Variants in CLIC5 observed in about 807,000 individuals in gnomAD.
CLIC5 encodes chloride intracellular channel protein 5.
CLIC5 carries 20 observed loss-of-function variants against 24.7 expected under a neutral mutation model. The ratio of observed to expected loss-of-function variants is 0.81; its 90% confidence interval spans 0.57 to 1.18. CLIC5 has a LOEUF of 1.18. CLIC5 is among the 50% of genes most tolerant of loss of function. The pLI, the probability that CLIC5 is intolerant of heterozygous loss-of-function variation, is 0.00. For missense variants in CLIC5, 341 were observed against 326.1 expected, an observed-to-expected ratio of 1.05 and a Z score of -0.35; for synonymous variants, 159 against 135.6, an observed-to-expected ratio of 1.17 and a Z score of -1.20.
In CLIC5 at chr6:45,952,320, G is replaced by A. The variant is rs1343648994; in HGVS notation, c.173+2815C>T. Among the ~76,000 whole-genome samples, 3 of 152,208 alleles carry A rather than the reference G, an allele frequency of 2.0e-5. No individual in the cohort carries two copies. The South Asian group carries it at 6.2e-4, about 32-fold the overall frequency. On this transcript the variant is annotated intron_variant, in intron 2 of 5. Coordinates refer to ENST00000339561, the MANE Select transcript of CLIC5 (RefSeq NM_016929.5). The stretch of plus-strand genomic sequence containing the variant: ...CATTGGATGACGTATTGCCAGGTAT[G>A]ATTTATGAATTATGTAATGAGGATC...
chr6:45,947,020 AGGGAAGGTAGGTGGAGAGGAGGGAGT>A (rs1463392661), intron 3 of CLIC5, among the ~76,000 whole-genome samples: 10 of 152,346 alleles, frequency 6.6e-5, no homozygotes, highest in Non-Finnish European at 1.2e-4. Flanking sequence ...AGCTCAGGAC[AGGGAAGGTAGGTGGAGAGGAGGGAGT>A]GGAGGGAGGG....
chr6:46,047,222 T>C (rs1166709546), intron 1 of CLIC5, among the ~76,000 whole-genome samples: 1 of 152,184 alleles, frequency 6.6e-6, no homozygotes, highest in Admixed American at 6.5e-5. Context: ...TAGGCATATA[T>C]TTAGTTTGGG....
chr6:46,054,086 G>T lies in CLIC5; in HGVS notation c.540+25617C>A, dbSNP rs557287772. On this transcript the variant is annotated intron_variant, in intron 1 of 5. Coordinates refer to the CLIC5 transcript ENST00000185206. The stretch of plus-strand genomic sequence containing the variant: ...AAGCTCCAGGTGGGGGTAGGCTGGG[G>T]GATGTTTGCCCTCAAAATGATTTTT... Among the ~76,000 whole-genome samples, 18 of 152,170 alleles carry T rather than the reference G, an allele frequency of 1.2e-4. No homozygotes were observed. In the South Asian group the frequency reaches 3.3e-3, roughly 28 times the overall value.
intron 4 of CLIC5, among the ~76,000 whole-genome samples, chr6:45,924,880 T>G (rs1205081264): frequency 6.6e-6 from 1 of 152,074 alleles, no homozygotes; most frequent in African/African-American, 2.4e-5. Flanking sequence ...TAAAGAGATA[T>G]CGGTAGAAAT....
the CLIC5 span, among the ~76,000 whole-genome samples, chr6:46,101,093 G>A: frequency 6.6e-6 from 1 of 152,144 alleles, no homozygotes; most frequent in Admixed American, 6.5e-5. Context: ...CATTTGACCT[G>A]GGGTCTGCAT....
intron 4 of CLIC5, among the ~76,000 whole-genome samples, chr6:45,926,694 T>C (rs1763513712): frequency 6.6e-6 from 1 of 152,216 alleles, no homozygotes; most frequent in African/African-American, 2.4e-5. Context: ...CTTTTGACTC[T>C]TGGTGAAGTA....
intron 4 of CLIC5, chr6:45,919,997 C>T (rs550733575): frequency 1.1e-5 from 2 of 177,970 alleles, no homozygotes; most frequent in South Asian, 1.9e-4. Flanking sequence ...CTCTGCAAGG[C>T]CACTTCTGGG....
At chr6:45,968,965 G>A (rs577962705) in intron 1 of CLIC5, among the ~76,000 whole-genome samples, 1 of 152,260 alleles carries the variant, frequency 6.6e-6, no homozygotes, top group African/African-American at 2.4e-5. Flanking sequence ...TTCCCTCTCT[G>A]GGTCTTAATC....
chr6:46,107,828 G>A, the CLIC5 span, among the ~76,000 whole-genome samples: 1 of 152,174 alleles, frequency 6.6e-6, no homozygotes, highest in Non-Finnish European at 1.5e-5. Flanking sequence ...CTGAGGTTGG[G>A]AGTTCAAGAC....
chr6:46,128,047 T>C, the CLIC5 span, among the ~76,000 whole-genome samples: 1 of 152,222 alleles, frequency 6.6e-6, no homozygotes. Flanking sequence ...GCCTTACCTC[T>C]GGACTTCTTG....
intron 4 of CLIC5, among the ~76,000 whole-genome samples, chr6:45,926,040 T>C (rs573055433): frequency 3.3e-5 from 5 of 152,070 alleles, no homozygotes; most frequent in Non-Finnish European, 7.4e-5. Context: ...ATAACTATCA[T>C]TGCAAACATC....
At chr6:46,092,898 T>C in the CLIC5 span, among the ~76,000 whole-genome samples, 1 of 152,220 alleles carries the variant, frequency 6.6e-6, no homozygotes, top group Non-Finnish European at 1.5e-5. Flanking sequence ...CTGTCTACAG[T>C]GTACAGTGTA....
intron 1 of CLIC5, among the ~76,000 whole-genome samples, chr6:46,010,093 C>G (rs1454334169): frequency 6.6e-6 from 1 of 152,210 alleles, no homozygotes; most frequent in Non-Finnish European, 1.5e-5. Context: ...CAATCGGGAA[C>G]ATTTCTCTTC....
At chr6:46,042,511 G>A (rs1385080468) in intron 1 of CLIC5, among the ~76,000 whole-genome samples, 1 of 152,106 alleles carries the variant, frequency 6.6e-6, no homozygotes, top group East Asian at 1.9e-4. Flanking sequence ...CACTCGGGGT[G>A]TTTAGCCAGA....
chr6:46,104,169 T>G, the CLIC5 span, among the ~76,000 whole-genome samples: 2 of 152,190 alleles, frequency 1.3e-5, no homozygotes, highest in Non-Finnish European at 2.9e-5. Flanking sequence ...ATCCCTTTTC[T>G]TCCAGAAATA....
chr6:46,120,869 A>G, the CLIC5 span, among the ~76,000 whole-genome samples: 1 of 152,184 alleles, frequency 6.6e-6, no homozygotes, highest in Non-Finnish European at 1.5e-5. Context: ...AAGCAAGAAG[A>G]GAAGTTTAGA....
chr6:45,939,454 A>T (rs570841992), intron 4 of CLIC5, among the ~76,000 whole-genome samples: 3 of 151,990 alleles, frequency 2.0e-5, no homozygotes, highest in Non-Finnish European at 4.4e-5. Flanking sequence ...GGCCTCCTAC[A>T]GTGCTGGGAT....
downstream of CLIC5, among the ~76,000 whole-genome samples, chr6:45,893,737 G>GAACT (rs1042082044): frequency 6.6e-6 from 1 of 152,120 alleles, no homozygotes; most frequent in African/African-American, 2.4e-5. Flanking sequence ...AAGTCAGAGA[G>GAACT]AACTCCCTAC....
intron 1 of CLIC5, among the ~76,000 whole-genome samples, chr6:46,030,868 C>T (rs962604715): frequency 1.2e-4 from 18 of 152,190 alleles, no homozygotes; most frequent in African/African-American, 4.3e-4. Flanking sequence ...GTATCTGTTG[C>T]CTTTTAGAAC....
Sources: allele counts gnomAD v4.1 joint callset (sites outside exome capture counted in the v4.1 genomes callset), GRCh38; gene constraint gnomAD v4.1.1; transcripts MANE v1.5; gene names NCBI Gene and HGNC (gene_info 2026-07-23, HGNC 2026-07-21).